Variants in RSPH14 observed in about 807,000 individuals in gnomAD.
RSPH14 encodes the protein radial spoke head 14 homolog.
RSPH14 carries 20 observed loss-of-function variants against 26.7 expected under a neutral mutation model. The observed-to-expected ratio is 0.75, with a 90% CI of 0.53 to 1.09. RSPH14 has a LOEUF of 1.09. Ranked by LOEUF, RSPH14 falls within the 50% of genes least tolerant of loss-of-function variation. The pLI is 0.00. For synonymous variants in RSPH14, 177 were observed against 189.3 expected (o/e 0.93, Z 0.53); for missense variants, 449 against 457.2 (o/e 0.98, Z 0.16).
rs534018314 is a variant in RSPH14 at position 23,071,560 on chromosome 22, G to A, written c.422-7427C>T. Among the ~76,000 whole-genome samples, 5 of 152,294 alleles carry A rather than the reference G, an allele frequency of 3.3e-5. 1 individual carries two copies. The highest frequency in any genetic ancestry group is 1.2e-4 in the African/African-American group (5 of 41,562). ...AGGCTCCTTGGCCAAATTCAATTAAGCAAATATTTATTGAGTGGTCACTCC... is the reference window on the plus strand; with the variant it reads ...AGGCTCCTTGGCCAAATTCAATTAAACAAATATTTATTGAGTGGTCACTCC... On this transcript the variant is annotated intron_variant, in intron 4 of 6. Coordinates refer to ENST00000216036, the MANE Select transcript of RSPH14 (RefSeq NM_014433.3). This position sits in a 1 kb window ranked among gnomAD's most constrained non-coding sequence, Gnocchi z 4.1.
the RSPH14 span, among the ~76,000 whole-genome samples, chr22:23,165,823 C>G: frequency 6.6e-6 from 1 of 152,220 alleles, no homozygotes; most frequent in African/African-American, 2.4e-5. Flanking sequence ...GCTTGGGCTT[C>G]CTCACAGTGT....
At chr22:23,083,555 C>T (rs1336440636) in intron 4 of RSPH14, among the ~76,000 whole-genome samples, 1 of 152,140 alleles carries the variant, frequency 6.6e-6, no homozygotes, top group Non-Finnish European at 1.5e-5. Context: ...TCGAGGGAAG[C>T]AGAGCTGGTG....
chr22:23,136,601 C>G (rs1882783738), intron 3 of RSPH14, among the ~76,000 whole-genome samples: 2 of 138,878 alleles, frequency 1.4e-5, no homozygotes, highest in Admixed American at 1.5e-4. Context: ...TGCTGCTAAA[C>G]AAATCCTTAC....
chr22:23,157,981 C>T, the RSPH14 span: 47 of 1,614,044 alleles, frequency 2.9e-5, no homozygotes, highest in African/African-American at 2.4e-4. Flanking sequence ...TGGCTTTTTC[C>T]GGGTGTCTAG....
upstream of RSPH14, among the ~76,000 whole-genome samples, chr22:23,148,323 A>T (rs1027931267): frequency 6.6e-6 from 1 of 152,160 alleles, no homozygotes; most frequent in Non-Finnish European, 1.5e-5. Flanking sequence ...GATGACAGAG[A>T]CTGGTCTTTC....
At chr22:23,065,938 C>T (rs1353356167) in intron 4 of RSPH14, among the ~76,000 whole-genome samples, 3 of 152,172 alleles carry the variant, frequency 2.0e-5, no homozygotes, top group Admixed American at 6.5e-5. Context: ...TCCTCTCTCT[C>T]TCGCAGCTCC....
rs542374272 is a variant in RSPH14, at chr22:23,066,032, C to T, written c.422-1899G>A. On this transcript the variant is annotated intron_variant, in intron 4 of 6. Coordinates refer to ENST00000216036, the MANE Select transcript of RSPH14 (RefSeq NM_014433.3). ...CTGCCCACGGTCTCCCTACCCACTC[C>T]TGGCTATAGATTCAACTCAGTGGTG... 2.9e-3 allele frequency among the ~76,000 whole-genome samples: 442 copies of T among 152,300 alleles called. 4 individuals are homozygous for T. Among genetic ancestry groups the T allele is most frequent in the African/African-American group, 9.4e-3 (391 of 41,540 alleles).
At chr22:23,079,474 T>C (rs564783550) in intron 4 of RSPH14, among the ~76,000 whole-genome samples, 159 of 151,994 alleles carry the variant, frequency 1.0e-3, no homozygotes, top group African/African-American at 3.7e-3. Context: ...AGGGGGAGCA[T>C]GGGCGTGGGA....
chr22:23,164,871 G>A, the RSPH14 span, among the ~76,000 whole-genome samples: 2 of 152,148 alleles, frequency 1.3e-5, no homozygotes, highest in East Asian at 3.9e-4. Context: ...CTCTCGCTCT[G>A]GCTTTCGAGG....
At chr22:23,159,711 A>G in the RSPH14 span, among the ~76,000 whole-genome samples, 253 of 152,304 alleles carry the variant, frequency 1.7e-3, 2 homozygotes, top group African/African-American at 4.5e-3. Flanking sequence ...CAGGCATGTG[A>G]CATCACCTGG....
At chr22:23,150,160 C>T in the RSPH14 span, 3 of 1,606,186 alleles carry the variant, frequency 1.9e-6, no homozygotes, top group Non-Finnish European at 2.6e-6. Flanking sequence ...GTCGGGTGAG[C>T]CTGCAGGGTG....
chr22:23,143,132 A>C (rs945653008), upstream of RSPH14, among the ~76,000 whole-genome samples: 4 of 151,978 alleles, frequency 2.6e-5, no homozygotes, highest in Non-Finnish European at 4.4e-5. Flanking sequence ...TGGCCTCAGA[A>C]AGGGCTAACT....
the RSPH14 span, among the ~76,000 whole-genome samples, chr22:23,167,459 C>T: frequency 6.6e-6 from 1 of 152,184 alleles, no homozygotes; most frequent in Non-Finnish European, 1.5e-5. Context: ...TGCCTGCCTC[C>T]CCCTCCTCCC....
At chr22:23,096,818 T>A (rs1428813454) in intron 4 of RSPH14, among the ~76,000 whole-genome samples, 1 of 152,038 alleles carries the variant, frequency 6.6e-6, no homozygotes, top group Non-Finnish European at 1.5e-5. Flanking sequence ...AGAGATGGGG[T>A]TAAGAGCTGT....
At chr22:23,080,906 G>T (rs1601760885) in intron 4 of RSPH14, among the ~76,000 whole-genome samples, 1 of 152,246 alleles carries the variant, frequency 6.6e-6, no homozygotes, top group Non-Finnish European at 1.5e-5. Flanking sequence ...ATGCTGGCTT[G>T]TGTCAGTACA....
At chr22:23,113,611 T>C (rs1286329426) in intron 4 of RSPH14, among the ~76,000 whole-genome samples, 1 of 152,216 alleles carries the variant, frequency 6.6e-6, no homozygotes, top group Non-Finnish European at 1.5e-5. Flanking sequence ...TCTGGTGCCT[T>C]CCCTGTTCCA....
chr22:23,179,910 G>A, the RSPH14 span: 5 of 261,494 alleles, frequency 1.9e-5, no homozygotes, highest in Non-Finnish European at 2.9e-5. Flanking sequence ...GAGGTGTGAG[G>A]AACTTACCTG....
the RSPH14 span, chr22:23,162,508 AGAGG>A: frequency 2.5e-6 from 1 of 406,358 alleles, no homozygotes; most frequent in Non-Finnish European, 5.0e-6. Flanking sequence ...ATGCACCTTT[AGAGG>A]ACTTCAGAGG....
At chr22:23,163,210 C>T in the RSPH14 span, 19 of 155,092 alleles carry the variant, frequency 1.2e-4, no homozygotes, top group African/African-American at 4.6e-4. Context: ...CATGCCCGGC[C>T]ATAAATGATT....
Sources: allele counts gnomAD v4.1 joint callset (sites outside exome capture counted in the v4.1 genomes callset), GRCh38; gene constraint gnomAD v4.1.1; non-coding constraint Gnocchi (gnomAD v3.1); transcripts MANE v1.5; gene names NCBI Gene and HGNC (gene_info 2026-07-23, HGNC 2026-07-21).